The following LY75 variants were observed in gnomAD, a reference collection of about 807,000 sequenced individuals.
The protein encoded by LY75 is C-type lectin domain family 13 member B.
A neutral mutation model predicts 231.7 loss-of-function variants in LY75; 185 were observed. That is an observed-to-expected ratio of 0.80 (90% CI 0.71 to 0.90). LY75 has a LOEUF of 0.90. Ranked by LOEUF, LY75 falls within the 40% of genes least tolerant of loss-of-function variation. LY75 has a pLI of 0.00. For synonymous variants in LY75, 668 were observed against 689.0 expected, an observed-to-expected ratio of 0.97 and a Z score of 0.48; for missense variants, 1,947 against 2,050.2, an observed-to-expected ratio of 0.95 and a Z score of 0.97.
At chr2:159,816,249 C>A (rs1397462203) in intron 30 of LY75, among the ~76,000 whole-genome samples, 1 of 152,144 alleles carries the variant, frequency 6.6e-6, no homozygotes, top group African/African-American at 2.4e-5. Context: ...AATAGTGGCA[C>A]AGATGTCTTT....
At chr2:159,854,329 A>G (rs1451858027) in intron 18 of LY75, 31 bp downstream of exon 18, 7 of 1,273,352 alleles carry the variant, frequency 5.5e-6, no homozygotes, top group Non-Finnish European at 7.0e-6. Flanking sequence ...AAAAATAAGA[A>G]ATATATTTAA....
chr2:159,889,569 C>T (rs377638695), intron 4 of LY75, among the ~76,000 whole-genome samples: 1 of 152,076 alleles, frequency 6.6e-6, no homozygotes, highest in East Asian at 1.9e-4. Flanking sequence ...CAATTCCAAT[C>T]AAAGTTCCAA....
At chr2:159,807,282 AT>A in intron 33 of LY75, 142 bp from the exon 34 acceptor site, 1 of 1,065,556 alleles carries the variant, frequency 9.4e-7, no homozygotes, top group Non-Finnish European at 1.3e-6. Context: ...AATGAAAAAA[AT>A]AAAATCAGTT....
rs1574593515 is a variant in LY75, at chr2:159,886,330, G to T, written c.913+90C>A. ...TAACCATAGTAAGAGCTGCCAAGAT[G>T]TGAAACTTTTCTAAGCTATTGGTGA... On this transcript the variant is annotated intron_variant, in intron 5 of 34. Transcript: ENST00000263636. 3.7e-6 allele frequency: 5 copies of T among 1,367,190 alleles called. No homozygotes were observed. In the African/African-American group the frequency reaches 7.4e-5, roughly 20 times the overall value. 84.7% of individuals were successfully genotyped at this position (1,367,190 alleles called of 1,614,324 possible). A position where few individuals can be genotyped will look rare whatever the true frequency, so the allele number is the denominator to read the frequency against.
rs537320517 is a variant in LY75, at chr2:159,892,567, T to A, written c.637+1347A>T. On this transcript the variant is annotated intron_variant, in intron 3 of 34. Coordinates refer to ENST00000263636, the MANE Select transcript of LY75 (RefSeq NM_002349.4). The stretch of plus-strand genomic sequence containing the variant: ...CACCTGGCAGAGCCCTGTTAAGTAT[T>A]AACTATTATTACTTAGGTCTGGAGC... Among the ~76,000 whole-genome samples, 3 of 152,334 alleles carry A rather than the reference T, an allele frequency of 2.0e-5. No individual in the cohort carries two copies. In the East Asian group the frequency reaches 5.8e-4, roughly 29 times the overall value.
At chr2:159,861,646 G>A (rs1459359842) in intron 14 of LY75, among the ~76,000 whole-genome samples, 2 of 151,936 alleles carry the variant, frequency 1.3e-5, no homozygotes, top group African/African-American at 2.4e-5. Flanking sequence ...GCTGAGACAT[G>A]AGGATCAATT....
chr2:159,886,319 G>T, intron 5 of LY75, 101 bp downstream of exon 5: 1 of 1,268,464 alleles, frequency 7.9e-7, no homozygotes, highest in Non-Finnish European at 1.0e-6. Flanking sequence ...CATAGTAAGA[G>T]CTGCCAAGAT....
rs1402524494 is a variant in LY75, at chr2:159,804,541, C to G, written c.*503G>C. The G allele has an allele frequency of 1.3e-5, 2 of 152,592 alleles. No homozygotes were observed. The highest frequency in any genetic ancestry group is 4.8e-5 in the African/African-American group (2 of 41,406). 9.5% of individuals were successfully genotyped at this position (152,592 alleles called of 1,614,324 possible). The stretch of plus-strand genomic sequence containing the variant: ...AAAAAAATAAAAATTAAAAAGTAAG[C>G]ATGTCTTATTGTTTATTTTTCCCCA... On this transcript the variant is annotated 3_prime_UTR_variant, in exon 35 of 35. Coordinates refer to ENST00000263636, the MANE Select transcript of LY75 (RefSeq NM_002349.4).
At chr2:159,809,674 T>A (rs984569444) in intron 32 of LY75, among the ~76,000 whole-genome samples, 9 of 151,502 alleles carry the variant, frequency 5.9e-5, no homozygotes, top group Admixed American at 2.0e-4. Context: ...TTATTATTTA[T>A]TTTATTTATT....
intron 28 of LY75, among the ~76,000 whole-genome samples, chr2:159,821,879 C>T (rs189718435): frequency 1.3e-5 from 2 of 152,258 alleles, no homozygotes; most frequent in Admixed American, 1.3e-4. Flanking sequence ...GGGTGCAGCC[C>T]ACAGAGGGCG....
At chr2:159,831,438 G>A (rs536438447) in intron 28 of LY75, among the ~76,000 whole-genome samples, 96 of 152,134 alleles carry the variant, frequency 6.3e-4, no homozygotes, top group Admixed American at 1.6e-3. Context: ...CTTTTTAGCA[G>A]TGCGGGAACA....
chr2:159,884,626 C>T (rs977820953), intron 6 of LY75, among the ~76,000 whole-genome samples: 2 of 152,158 alleles, frequency 1.3e-5, no homozygotes, highest in African/African-American at 4.8e-5. Flanking sequence ...CCTGGGCTTA[C>T]TCCTGTGTCT....
At chr2:159,844,541 T>C (rs1326750967) in intron 23 of LY75, among the ~76,000 whole-genome samples, 1 of 152,022 alleles carries the variant, frequency 6.6e-6, no homozygotes, top group Non-Finnish European at 1.5e-5. Context: ...GCCATGGAAA[T>C]TCTGGAAATT....
At chr2:159,882,004 A>C in intron 7 of LY75, 120 bp downstream of exon 7, 4 of 1,223,622 alleles carry the variant, frequency 3.3e-6, no homozygotes, top group Non-Finnish European at 4.5e-6. Flanking sequence ...AGACAATCCT[A>C]TCTGACAGGG....
chr2:159,817,204 C>G (rs112379709), intron 29 of LY75, among the ~76,000 whole-genome samples, 172 bp from the exon 30 acceptor site: 39 of 152,298 alleles, frequency 2.6e-4, no homozygotes, highest in African/African-American at 9.4e-4. Context: ...ATCTTAGGCT[C>G]TTAAAGTTCT....
At position 159,850,357 on chromosome 2, in the gene LY75, A is replaced by C. The variant is rs1287779896; in HGVS notation, c.2989+5T>G. The C allele has an allele frequency of 9.3e-6, 15 of 1,613,524 alleles. No homozygotes were observed. The highest frequency in any genetic ancestry group is 1.3e-5 in the Non-Finnish European group (15 of 1,179,712). On this transcript the variant is annotated splice_donor_5th_base_variant and intron_variant, in intron 22 of 34. Transcript: ENST00000263636. ...TAAAACATGTTTCCCAAATAATTCC[A>C]GTACCTTGTTCAATCTGGCTCAACA...
chr2:159,829,439 A>G (rs564174413), intron 28 of LY75, among the ~76,000 whole-genome samples: 5 of 152,310 alleles, frequency 3.3e-5, no homozygotes, highest in South Asian at 2.1e-4. Context: ...GTGGCTTCTC[A>G]TAGTAATTTC....
intron 13 of LY75, among the ~76,000 whole-genome samples, chr2:159,866,601 G>A (rs1365151495): frequency 1.3e-5 from 2 of 152,154 alleles, no homozygotes; most frequent in Non-Finnish European, 2.9e-5. Context: ...AGGCTTCCGA[G>A]TGTATCATAC....
At chr2:159,848,221 G>A (rs1194008285) in intron 23 of LY75, among the ~76,000 whole-genome samples, 1 of 151,422 alleles carries the variant, frequency 6.6e-6, no homozygotes, top group African/African-American at 2.4e-5. Flanking sequence ...ATACTACTCA[G>A]CCATAAAAAG....
Sources: allele counts gnomAD v4.1 joint callset (sites outside exome capture counted in the v4.1 genomes callset), GRCh38; gene constraint gnomAD v4.1.1; transcripts MANE v1.5; gene names NCBI Gene and HGNC (gene_info 2026-07-23, HGNC 2026-07-21).